PAK2: variants seen among roughly 807,000 people sequenced by gnomAD.
PAK2 encodes the protein serine/threonine-protein kinase PAK 2.
PAK2 carries 21 observed loss-of-function variants against 65.9 expected under a neutral mutation model. The observed-to-expected ratio is 0.32, with a 90% CI of 0.23 to 0.46. PAK2 has a LOEUF of 0.46. PAK2 is among the 20% of genes least tolerant of loss of function. PAK2 has a pLI of 1.00. For missense variants in PAK2, 324 were observed against 642.6 expected (o/e 0.50, Z 5.36); for synonymous variants, 204 against 219.7 (o/e 0.93, Z 0.63).
At chr3:196,826,294 C>G (rs373914612) in intron 13 of PAK2, among the ~76,000 whole-genome samples, 1 of 152,048 alleles carries the variant, frequency 6.6e-6, no homozygotes, top group Admixed American at 6.6e-5. Flanking sequence ...GCCTCAGCCT[C>G]CCGAGTAGCT....
chr3:196,812,614 G>C, intron 9 of PAK2, 125 bp from the exon 10 acceptor site: 1 of 602,508 alleles, frequency 1.7e-6, no homozygotes, highest in South Asian at 2.1e-5. Context: ...AAGGCAAGGT[G>C]CCACCTGGGA....
rs1389365890 is a variant in PAK2, at chr3:196,791,270, T to A, written c.187+8437T>A. ...TTCTAATATCCTTTCCTTTTCCCAT[T>A]GAGACTATTAAAATACAGAGAGTAC... is the stretch of plus-strand genomic sequence containing the variant. On this transcript the variant is annotated intron_variant, in intron 2 of 14. Transcript: ENST00000327134. The surrounding 1 kb of genome is among the most constrained non-coding windows in gnomAD (Gnocchi z 4.0). 6.6e-6 allele frequency among the ~76,000 whole-genome samples: 1 copy of A among 152,162 alleles called. No homozygotes were observed. The highest frequency in any genetic ancestry group is 1.9e-4 in the East Asian group (1 of 5,202).
chr3:196,812,143 A>C (rs1483796031), intron 8 of PAK2, 76 bp from the exon 9 acceptor site: 1 of 839,046 alleles, frequency 1.2e-6, no homozygotes, highest in African/African-American at 1.7e-5. Context: ...AATTGCTTGA[A>C]GTGTAAAGTC....
chr3:196,816,577 A>G (rs1014869391), intron 11 of PAK2, among the ~76,000 whole-genome samples: 6 of 152,130 alleles, frequency 3.9e-5, no homozygotes, highest in Non-Finnish European at 7.3e-5. Context: ...ATTTATTTGT[A>G]CAAGTATTTT....
chr3:196,825,810 GTTA>G (rs994444562), intron 13 of PAK2, among the ~76,000 whole-genome samples: 21 of 152,250 alleles, frequency 1.4e-4, no homozygotes, highest in Non-Finnish European at 2.2e-4. Flanking sequence ...GATCTAGGTA[GTTA>G]TTAGTAATGA....
chr3:196,748,442 C>T lies in PAK2; in HGVS notation c.-22+8285C>T, dbSNP rs843540. The stretch of plus-strand genomic sequence containing the variant: ...CAACATGTCTCCACCAGTATCATAC[C>T]GACTGGTTTCCGCACCTTAAAACTC... On this transcript the variant is annotated intron_variant, in intron 1 of 14. Transcript: ENST00000327134. Among the ~76,000 whole-genome samples, 349 of 152,088 alleles carry T rather than the reference C, an allele frequency of 2.3e-3. 1 individual carries two copies. The highest frequency in any genetic ancestry group is 8.1e-3 in the African/African-American group (336 of 41,488).
chr3:196,763,323 C>T (rs1169566302), intron 1 of PAK2, among the ~76,000 whole-genome samples: 1 of 152,182 alleles, frequency 6.6e-6, no homozygotes, highest in Non-Finnish European at 1.5e-5. Context: ...CCACCTTCCC[C>T]TATTGGAGTC....
At chr3:196,815,222 G>A (rs1021790706) in intron 11 of PAK2, among the ~76,000 whole-genome samples, 6 of 151,552 alleles carry the variant, frequency 4.0e-5, no homozygotes, top group Non-Finnish European at 7.4e-5. Flanking sequence ...TGGAAGTGGT[G>A]GCTCATGCCT....
At chr3:196,803,251 A>G (rs1231623848) in intron 4 of PAK2, 87 bp downstream of exon 4, 1 of 1,076,972 alleles carries the variant, frequency 9.3e-7, no homozygotes, top group African/African-American at 1.6e-5. Context: ...ATGAAAAGCT[A>G]AACTATGGTT....
chr3:196,798,628 GC>G (rs1243318307), intron 2 of PAK2, among the ~76,000 whole-genome samples: 3 of 152,174 alleles, frequency 2.0e-5, no homozygotes, highest in Non-Finnish European at 4.4e-5. Flanking sequence ...ATAGGCATGA[GC>G]CACTGTGCCT....
chr3:196,751,909 A>T (rs34918108), intron 1 of PAK2, among the ~76,000 whole-genome samples: 69,639 of 149,722 alleles, frequency 0.47, 16,677 homozygotes, highest in Non-Finnish European at 0.53. Context: ...CTCTCAGCTA[A>T]TTTTTGTATT....
rs1461349462 is a variant in PAK2, at chr3:196,830,073, A to G, written c.*1668A>G. On this transcript the variant is annotated 3_prime_UTR_variant, in exon 15 of 15. Transcript: ENST00000327134. ...TGCTTGCCATCCTGCAGTAGTATAA[A>G]TCATGAATAAAAAATAATTTTGCTG... The G allele has an allele frequency of 6.7e-6, 1 of 149,636 alleles. No individual in the cohort carries two copies. Among genetic ancestry groups the G allele is most frequent in the Non-Finnish European group, 1.5e-5 (1 of 67,514 alleles). The allele number at this position is 149,636 out of a possible 1,614,324, so 9.3% of individuals were successfully genotyped here.
At chr3:196,783,883 A>ATG (rs1714795854) in intron 2 of PAK2, among the ~76,000 whole-genome samples, 1 of 152,066 alleles carries the variant, frequency 6.6e-6, no homozygotes, top group Admixed American at 6.5e-5. Context: ...AGACTTGTTG[A>ATG]TGTATGTGGT....
intron 1 of PAK2, among the ~76,000 whole-genome samples, chr3:196,762,642 T>C (rs896836642): frequency 6.6e-6 from 1 of 151,094 alleles, no homozygotes; most frequent in African/African-American, 2.4e-5. Context: ...AGCAGTACAG[T>C]CCAGCTTCGG....
chr3:196,753,566 C>A (rs1263642543), intron 1 of PAK2, among the ~76,000 whole-genome samples: 2 of 152,196 alleles, frequency 1.3e-5, no homozygotes, highest in Non-Finnish European at 2.9e-5. Context: ...TATGTGAATT[C>A]ATTGCTCATT....
intron 1 of PAK2, among the ~76,000 whole-genome samples, chr3:196,751,290 A>G (rs568977636): frequency 2.1e-4 from 32 of 152,276 alleles, no homozygotes; most frequent in Middle Eastern, 3.4e-3. Context: ...TGCTGACATG[A>G]CATCACAAGT....
chr3:196,790,499 T>TC (rs1715031933), intron 2 of PAK2, among the ~76,000 whole-genome samples: 1 of 152,186 alleles, frequency 6.6e-6, no homozygotes, highest in Non-Finnish European at 1.5e-5. Context: ...CTGGTGAACC[T>TC]CCCGTAGATG....
chr3:196,802,705 G>A (rs1372099948), intron 3 of PAK2, among the ~76,000 whole-genome samples: 11 of 151,974 alleles, frequency 7.2e-5, no homozygotes, highest in Non-Finnish European at 1.0e-4. Context: ...TTAGCCAGGC[G>A]TGGTGGCGGG....
intron 1 of PAK2, among the ~76,000 whole-genome samples, chr3:196,742,834 GTGA>G (rs1193963515): frequency 1.6e-4 from 25 of 152,146 alleles, no homozygotes; most frequent in African/African-American, 4.6e-4. Flanking sequence ...GGAGAATGGC[GTGA>G]TGAACCCGGG....
Sources: gnomAD v4.1 joint callset for allele counts (sites outside exome capture counted in the v4.1 genomes callset) on GRCh38, gnomAD v4.1.1 for gene constraint, Gnocchi (gnomAD v3.1) non-coding constraint, MANE v1.5 for transcripts, NCBI Gene and HGNC (gene_info 2026-07-23, HGNC 2026-07-21) for gene names.